The following ZFAT variants were observed in gnomAD, a reference collection of about 807,000 sequenced individuals.
ZFAT encodes zinc finger protein ZFAT.
Under a neutral mutation model 117.7 loss-of-function variants are expected in ZFAT, and 64 were observed. The observed-to-expected ratio is 0.54, with a 90% CI of 0.44 to 0.67. The LOEUF (loss-of-function observed/expected upper bound fraction) is 0.67, where lower values mean the gene tolerates loss of function less well. ZFAT is among the 30% of genes least tolerant of loss of function. ZFAT has a pLI of 0.00. For synonymous variants in ZFAT, 679 were observed against 615.0 expected (o/e 1.10, Z -1.54); for missense variants, 1,433 against 1,584.5 (o/e 0.90, Z 1.62).
chr8:134,581,972 C>T (rs1371149310), intron 10 of ZFAT, among the ~76,000 whole-genome samples: 1 of 152,182 alleles, frequency 6.6e-6, no homozygotes, highest in Non-Finnish European at 1.5e-5. Context: ...CCAAAAATGT[C>T]AGCAGAAAGA....
intron 9 of ZFAT, among the ~76,000 whole-genome samples, chr8:134,586,215 A>G (rs547091593): frequency 1.3e-5 from 2 of 152,360 alleles, no homozygotes; most frequent in South Asian, 4.1e-4. Flanking sequence ...AATCTTTATC[A>G]ATTCTGAAGT....
rs1467254452 is a variant in ZFAT at position 134,648,405 on chromosome 8, C to T, written c.196+9156G>A. Reference sequence around the variant, plus strand: ...TGTTTTTCAAAGATTAAGAAAATGCCAAACCTTCAGCTAAACTTACCAAGA... The same window carrying T: ...TGTTTTTCAAAGATTAAGAAAATGCTAAACCTTCAGCTAAACTTACCAAGA... On this transcript the variant is annotated intron_variant, in intron 2 of 15. Transcript: ENST00000377838. 2.0e-5 allele frequency among the ~76,000 whole-genome samples: 3 copies of T among 151,766 alleles called. No homozygotes were observed. The East Asian group carries it at 5.8e-4, about 29-fold the overall frequency.
At chr8:134,664,399 G>C (rs1832101564) in intron 1 of ZFAT, among the ~76,000 whole-genome samples, 1 of 152,194 alleles carries the variant, frequency 6.6e-6, no homozygotes. Flanking sequence ...CAAGGGAGCA[G>C]GGGTCTTGGA....
the ZFAT span, among the ~76,000 whole-genome samples, chr8:134,777,700 T>C: frequency 1.3e-5 from 2 of 152,210 alleles, no homozygotes; most frequent in African/African-American, 4.8e-5. Context: ...AGAATTCATT[T>C]AGACCCTTCA....
rs147217745 is a variant in ZFAT at position 134,708,093 on chromosome 8, G to A, written c.19+4752C>T. On this transcript the variant is annotated intron_variant, in intron 1 of 15. Coordinates refer to ENST00000377838, the MANE Select transcript of ZFAT (RefSeq NM_020863.4). Reference sequence around the variant, plus strand: ...TAAGTAAAATATGCCAGCACAGAAGGACAAACACTGCATGTTTTCTCTTAC... The same window carrying A: ...TAAGTAAAATATGCCAGCACAGAAGAACAAACACTGCATGTTTTCTCTTAC... Among the ~76,000 whole-genome samples, 463 of 152,284 alleles carry A rather than the reference G, an allele frequency of 3.0e-3. 2 individuals are homozygous for A. The highest frequency in any genetic ancestry group is 0.011 in the African/African-American group (443 of 41,554).
At chr8:134,806,658 T>C in the ZFAT span, among the ~76,000 whole-genome samples, 1 of 152,200 alleles carries the variant, frequency 6.6e-6, no homozygotes, top group Non-Finnish European at 1.5e-5. Flanking sequence ...CAAAAGACAT[T>C]TTTATCAGAG....
At chr8:134,553,857 T>G (rs935319262) in intron 11 of ZFAT, among the ~76,000 whole-genome samples, 3 of 152,108 alleles carry the variant, frequency 2.0e-5, no homozygotes, top group African/African-American at 7.2e-5. Flanking sequence ...AGGCAGTAAG[T>G]GGGAAGCCAG....
At chr8:134,550,472 C>T (rs1823080237) in intron 11 of ZFAT, among the ~76,000 whole-genome samples, 1 of 152,022 alleles carries the variant, frequency 6.6e-6, no homozygotes, top group African/African-American at 2.4e-5. Flanking sequence ...CGTGGCATAC[C>T]ACAAGTTCAA....
chr8:134,579,065 C>T (rs1825527743), intron 10 of ZFAT, among the ~76,000 whole-genome samples: 2 of 152,210 alleles, frequency 1.3e-5, no homozygotes, highest in Admixed American at 1.3e-4. Context: ...TCTTTACAAA[C>T]TTTGGCAACC....
chr8:134,742,163 C>CTT, the ZFAT span, among the ~76,000 whole-genome samples: 105 of 146,504 alleles, frequency 7.2e-4, no homozygotes, highest in South Asian at 3.7e-3. Flanking sequence ...CAGATCATTT[C>CTT]TTTTTTTTTT....
intron 2 of ZFAT, among the ~76,000 whole-genome samples, chr8:134,646,146 T>C (rs1426869424): frequency 1.3e-5 from 2 of 151,772 alleles, no homozygotes; most frequent in African/African-American, 2.4e-5. Flanking sequence ...AAGGCGGAGG[T>C]TGCAGTGAGC....
chr8:134,781,894 A>G, the ZFAT span, among the ~76,000 whole-genome samples: 1 of 152,208 alleles, frequency 6.6e-6, no homozygotes. Flanking sequence ...CCCTAGCTTA[A>G]AGAATAGAGT....
the ZFAT span, among the ~76,000 whole-genome samples, chr8:134,719,538 C>T: frequency 6.6e-6 from 1 of 152,178 alleles, no homozygotes; most frequent in Non-Finnish European, 1.5e-5. Flanking sequence ...AAAAAGTGAC[C>T]TTAAAGTCTC....
At chr8:134,545,332 T>A (rs946430464) in intron 11 of ZFAT, among the ~76,000 whole-genome samples, 1 of 152,026 alleles carries the variant, frequency 6.6e-6, no homozygotes, top group African/African-American at 2.4e-5. Flanking sequence ...GGCAACATAC[T>A]GAGACTCTGT....
intron 15 of ZFAT, among the ~76,000 whole-genome samples, chr8:134,489,116 T>C (rs1001909292): frequency 4.0e-5 from 6 of 151,398 alleles, no homozygotes; most frequent in Non-Finnish European, 7.4e-5. Flanking sequence ...CTAAAATTAA[T>C]GGGTGCCTCT....
At chr8:134,580,517 T>C (rs1447469275) in intron 10 of ZFAT, among the ~76,000 whole-genome samples, 1 of 152,174 alleles carries the variant, frequency 6.6e-6, no homozygotes, top group African/African-American at 2.4e-5. Flanking sequence ...CCTAACTTGA[T>C]GAACAATTCT....
intron 11 of ZFAT, among the ~76,000 whole-genome samples, chr8:134,559,758 A>G (rs539782079): frequency 5.6e-4 from 85 of 151,464 alleles, no homozygotes; most frequent in Non-Finnish European, 1.1e-3. Context: ...TAGTTTTACT[A>G]TTTTTTTTTA....
At chr8:134,715,699 C>T (rs1814203751), upstream of ZFAT, among the ~76,000 whole-genome samples, 1 of 152,186 alleles carries the variant, frequency 6.6e-6, no homozygotes, top group Admixed American at 6.5e-5. Flanking sequence ...GAGCGGCTTC[C>T]CAGCTGACCA....
chr8:134,694,515 T>C (rs1833732740), intron 1 of ZFAT, among the ~76,000 whole-genome samples: 1 of 152,198 alleles, frequency 6.6e-6, no homozygotes. Context: ...ATAAATTATG[T>C]CATAATAACA....
Sources: gnomAD v4.1 joint callset for allele counts (sites outside exome capture counted in the v4.1 genomes callset) on GRCh38, gnomAD v4.1.1 for gene constraint, MANE v1.5 for transcripts, NCBI Gene and HGNC (gene_info 2026-07-23, HGNC 2026-07-21) for gene names.